XYLT1: variants seen among roughly 807,000 people sequenced by gnomAD.
XYLT1 encodes the protein beta-D-xylosyltransferase 1.
In XYLT1, 36 loss-of-function variants were observed where a neutral mutation model predicts 91.3. The ratio of observed to expected loss-of-function variants is 0.39; its 90% CI spans 0.30 to 0.52. The LOEUF (loss-of-function observed/expected upper bound fraction) is 0.52, where lower values mean the gene tolerates loss of function less well. XYLT1 is among the 20% of genes least tolerant of loss of function. The pLI is 0.68. For synonymous variants in XYLT1, 588 were observed against 532.0 expected (o/e 1.11, Z -1.45); for missense variants, 1,242 against 1,284.5 (o/e 0.97, Z 0.51).
chr16:17,404,570 C>G (rs927031608), intron 1 of XYLT1, among the ~76,000 whole-genome samples: 2 of 152,152 alleles, frequency 1.3e-5, no homozygotes, highest in African/African-American at 4.8e-5. Context: ...AGCCATGTTT[C>G]GAATCCAGGA....
intron 1 of XYLT1, among the ~76,000 whole-genome samples, chr16:17,358,426 C>T (rs1002162371): frequency 6.6e-6 from 1 of 152,216 alleles, no homozygotes; most frequent in African/African-American, 2.4e-5. Context: ...CATGAGCCAC[C>T]ACGCCAAGCT....
chr16:17,443,325 C>A (rs1470390361), intron 1 of XYLT1, among the ~76,000 whole-genome samples: 2 of 152,152 alleles, frequency 1.3e-5, no homozygotes, highest in Non-Finnish European at 2.9e-5. Context: ...CCACCCAAAT[C>A]TCATCTCGAA....
intron 10 of XYLT1, among the ~76,000 whole-genome samples, chr16:17,125,053 T>C (rs1196475592): frequency 6.6e-6 from 1 of 152,234 alleles, no homozygotes; most frequent in African/African-American, 2.4e-5. Flanking sequence ...CTTAATTGGC[T>C]TAATAGTCGA....
intron 2 of XYLT1, among the ~76,000 whole-genome samples, chr16:17,307,834 G>A (rs2034489953): frequency 6.6e-6 from 1 of 152,192 alleles, no homozygotes; most frequent in Admixed American, 6.5e-5. Context: ...CCCAGCAGGG[G>A]TAAGCACAGC....
chr16:17,398,096 T>C (rs953274574), intron 1 of XYLT1, among the ~76,000 whole-genome samples: 1 of 151,970 alleles, frequency 6.6e-6, no homozygotes, highest in African/African-American at 2.4e-5. Context: ...GATTGGAAAA[T>C]GCAGACCTTG....
intron 5 of XYLT1, among the ~76,000 whole-genome samples, chr16:17,164,070 G>A (rs370646143): frequency 0.18 from 9,637 of 54,324 alleles, 5 homozygotes; most frequent in Non-Finnish European, 0.27. Context: ...AAAAAAAAAA[G>A]AAAGACTATG....
intron 1 of XYLT1, among the ~76,000 whole-genome samples, chr16:17,438,116 G>A (rs1226563764): frequency 3.9e-5 from 6 of 152,148 alleles, no homozygotes; most frequent in Admixed American, 2.0e-4. Flanking sequence ...CCACTAAGGG[G>A]CCCTTAATGG....
intron 1 of XYLT1, among the ~76,000 whole-genome samples, chr16:17,460,270 G>C (rs910567244): frequency 6.6e-6 from 1 of 152,210 alleles, no homozygotes; most frequent in Non-Finnish European, 1.5e-5. Flanking sequence ...GTGAGGGGCA[G>C]ATGACTCAAA....
intron 3 of XYLT1, among the ~76,000 whole-genome samples, chr16:17,257,560 G>A (rs1228114571): frequency 1.3e-5 from 2 of 152,164 alleles, no homozygotes; most frequent in Non-Finnish European, 1.5e-5. Context: ...AAGCTATGGT[G>A]GCAGGGGCTA....
chr16:17,217,841 C>T (rs954964710), intron 3 of XYLT1, among the ~76,000 whole-genome samples: 1 of 151,890 alleles, frequency 6.6e-6, no homozygotes, highest in African/African-American at 2.4e-5. Flanking sequence ...CACGGTGAAG[C>T]TGAGCTGTGA....
Position 17,108,852 on chromosome 16 carries a change from G to A in XYLT1, c.2723C>T (p.Ser908Leu), listed in dbSNP as rs748327396. The change falls in exon 12 of 12, where the codon TCG (serine) becomes TTG (leucine). Residue 908 changes from serine (S) to leucine (L), a missense_variant. By Grantham distance (145) the Ser-to-Leu change is moderately radical. Coordinates refer to ENST00000261381, the MANE Select transcript of XYLT1 (RefSeq NM_022166.4). ...GGCAGTCCACATCCCGCCCACCAAC[G>A]AGTCCAGCCATCCCTCCAGCGCTGT... ...TGTALEGWLD[S>L]LVGGMWTAMD... 3.7e-6 allele frequency: 6 copies of A among 1,613,032 alleles called. No individual in the cohort carries two copies. Among genetic ancestry groups the A allele is most frequent in the Non-Finnish European group, 5.1e-6 (6 of 1,179,900 alleles).
chr16:17,370,144 G>C (rs1242949907), intron 1 of XYLT1, among the ~76,000 whole-genome samples: 1 of 152,188 alleles, frequency 6.6e-6, no homozygotes, highest in African/African-American at 2.4e-5. Flanking sequence ...CGTGAATAGA[G>C]GACTCTCCTT....
In XYLT1 at chr16:17,257,556, T is replaced by C. The variant is rs1043404934; in HGVS notation, c.913+1432A>G. On this transcript the variant is annotated intron_variant, in intron 3 of 11. Coordinates refer to ENST00000261381, the MANE Select transcript of XYLT1 (RefSeq NM_022166.4). Reference sequence around the variant, plus strand: ...CCAGAGGCTGGATTATCGTAAGCTATGGTGGCAGGGGCTAGCGGGAGGGAA... The same window carrying C: ...CCAGAGGCTGGATTATCGTAAGCTACGGTGGCAGGGGCTAGCGGGAGGGAA... Among the ~76,000 whole-genome samples the C allele has an allele frequency of 2.0e-5, 3 of 152,094 alleles. No individual in the cohort carries two copies. In the East Asian group the frequency reaches 5.8e-4, roughly 29 times the overall value.
chr16:17,290,152 A>T (rs2034200034), intron 2 of XYLT1, among the ~76,000 whole-genome samples: 1 of 152,258 alleles, frequency 6.6e-6, no homozygotes, highest in African/African-American at 2.4e-5. Context: ...AAAAAGAGGT[A>T]GACTTGAGTG....
At chr16:17,167,305 C>T (rs1004712702) in intron 5 of XYLT1, among the ~76,000 whole-genome samples, 1 of 152,258 alleles carries the variant, frequency 6.6e-6, no homozygotes, top group South Asian at 2.1e-4. Flanking sequence ...GAGTGCGAGT[C>T]GCACAACAGG....
intron 7 of XYLT1, among the ~76,000 whole-genome samples, chr16:17,140,110 C>T (rs1255646337): frequency 6.6e-6 from 1 of 152,184 alleles, no homozygotes; most frequent in Non-Finnish European, 1.5e-5. Flanking sequence ...GAAGATGAAT[C>T]TGGAATCCCT....
At chr16:17,348,315 T>C (rs2035174134) in intron 2 of XYLT1, among the ~76,000 whole-genome samples, 1 of 152,152 alleles carries the variant, frequency 6.6e-6, no homozygotes, top group Admixed American at 6.5e-5. Flanking sequence ...CCTGGTTTGC[T>C]ACTGAGCTGC....
At chr16:17,377,396 C>G (rs780510522) in intron 1 of XYLT1, among the ~76,000 whole-genome samples, 10 of 152,166 alleles carry the variant, frequency 6.6e-5, no homozygotes, top group Non-Finnish European at 1.3e-4. Flanking sequence ...CGATAGAGTT[C>G]CCATTGTCTG....
chr16:17,185,241 A>T (rs2032157960), intron 5 of XYLT1, among the ~76,000 whole-genome samples: 1 of 152,266 alleles, frequency 6.6e-6, no homozygotes. Context: ...AGCCTGAAAA[A>T]TAACAGGGCT....
Sources: gnomAD v4.1 joint callset for allele counts (sites outside exome capture counted in the v4.1 genomes callset) on GRCh38, gnomAD v4.1.1 for gene constraint, MANE v1.5 for transcripts, NCBI Gene and HGNC (gene_info 2026-07-23, HGNC 2026-07-21) for gene names.